Variants in BLTP3A observed in about 807,000 individuals in gnomAD.
BLTP3A encodes ICBP90 binding protein 1.
chr6:34,876,062 C>T, the BLTP3A span: 2 of 152,620 alleles, frequency 1.3e-5, no homozygotes, highest in African/African-American at 2.4e-5. Flanking sequence ...TGTTTACATG[C>T]ATGTGCTGGG....
At chr6:34,858,564 A>C in the BLTP3A span, 1 of 1,614,170 alleles carries the variant, frequency 6.2e-7, no homozygotes, top group Non-Finnish European at 8.5e-7. Context: ...GCTGGCAGCA[A>C]GCCCAGGCAC....
At chr6:34,792,921 A>G in the BLTP3A span, among the ~76,000 whole-genome samples, 1 of 152,202 alleles carries the variant, frequency 6.6e-6, no homozygotes, top group Non-Finnish European at 1.5e-5. Context: ...CACCCTTGGA[A>G]AAGCCCAGCA....
chr6:34,872,239 C>A, the BLTP3A span: 1 of 1,520,216 alleles, frequency 6.6e-7, no homozygotes, highest in Non-Finnish European at 8.8e-7. Context: ...ACTCTTCCTC[C>A]CTGTTCCCTT....
the BLTP3A span, among the ~76,000 whole-genome samples, chr6:34,849,057 G>A: frequency 2.7e-5 from 4 of 148,928 alleles, no homozygotes; most frequent in Admixed American, 6.8e-5. Flanking sequence ...GGAGTGAAGT[G>A]GCGTGATCTC....
the BLTP3A span, among the ~76,000 whole-genome samples, chr6:34,803,406 T>A: frequency 6.6e-6 from 1 of 152,146 alleles, no homozygotes; most frequent in African/African-American, 2.4e-5. Context: ...TGCCCCCAGT[T>A]GCTCTGATTT....
At chr6:34,823,232 T>C in the BLTP3A span, 1 of 1,585,434 alleles carries the variant, frequency 6.3e-7, no homozygotes, top group Non-Finnish European at 8.7e-7. Context: ...TGTAAATGCT[T>C]AGTTCTCCTT....
chr6:34,796,279 G>A, the BLTP3A span, among the ~76,000 whole-genome samples: 1 of 152,148 alleles, frequency 6.6e-6, no homozygotes, highest in Non-Finnish European at 1.5e-5. Context: ...GTATCTTGTT[G>A]GAATGCACCC....
chr6:34,804,439 A>G, the BLTP3A span, among the ~76,000 whole-genome samples: 21 of 152,204 alleles, frequency 1.4e-4, no homozygotes, highest in Non-Finnish European at 2.8e-4. Context: ...GTAAGCAGAA[A>G]GCCCAGTAAT....
At chr6:34,850,886 C>CG in the BLTP3A span, among the ~76,000 whole-genome samples, 1 of 151,988 alleles carries the variant, frequency 6.6e-6, no homozygotes, top group African/African-American at 2.4e-5. Context: ...TTTGTAAAGA[C>CG]GGGGTCTCAC....
chr6:34,816,160 T>G, the BLTP3A span, among the ~76,000 whole-genome samples: 1 of 152,342 alleles, frequency 6.6e-6, no homozygotes, highest in East Asian at 1.9e-4. Context: ...ATTAGATACT[T>G]AGCACTTACT....
the BLTP3A span, among the ~76,000 whole-genome samples, chr6:34,822,750 G>C: frequency 1.3e-5 from 2 of 151,812 alleles, no homozygotes; most frequent in African/African-American, 2.4e-5. Flanking sequence ...CCAGCTACTC[G>C]GGAGGCTGGG....
chr6:34,821,823 T>C, the BLTP3A span: 13,135 of 1,614,086 alleles, frequency 8.1e-3, 63 homozygotes, highest in Non-Finnish European at 0.01. Flanking sequence ...CGGGTGAGAA[T>C]GAGGGTCAGA....
chr6:34,847,797 T>A, the BLTP3A span, among the ~76,000 whole-genome samples: 11 of 151,268 alleles, frequency 7.3e-5, no homozygotes, highest in African/African-American at 2.7e-4. Context: ...TTCTGCTTGA[T>A]CTTTAGTATT....
At chr6:34,875,468 C>T in the BLTP3A span, 1 of 152,154 alleles carries the variant, frequency 6.6e-6, no homozygotes, top group Non-Finnish European at 1.5e-5. Context: ...CTCTGGCATC[C>T]CTCCATGCAA....
the BLTP3A span, chr6:34,855,592 A>G: frequency 2.5e-6 from 4 of 1,611,864 alleles, no homozygotes; most frequent in South Asian, 3.3e-5. Flanking sequence ...TTCCACTGCC[A>G]TTCACCTGTA....
the BLTP3A span, chr6:34,834,420 C>G: frequency 3.1e-6 from 5 of 1,611,904 alleles, no homozygotes; most frequent in Non-Finnish European, 4.2e-6. Flanking sequence ...ACAGCCCCAT[C>G]ATTGTGAAGG....
chr6:34,842,564 C>A, the BLTP3A span, among the ~76,000 whole-genome samples: 1 of 152,076 alleles, frequency 6.6e-6, no homozygotes, highest in Non-Finnish European at 1.5e-5. Context: ...CTTAACCCAG[C>A]CAGGCACGGT....
chr6:34,792,241 C>T, the BLTP3A span: 65 of 1,535,466 alleles, frequency 4.2e-5, 1 homozygote, highest in East Asian at 1.4e-3. Context: ...ACGCGGGCCG[C>T]GGCTCCGGCA....
the BLTP3A span, among the ~76,000 whole-genome samples, chr6:34,840,416 A>G: frequency 1.3e-5 from 2 of 148,492 alleles, no homozygotes; most frequent in African/African-American, 4.9e-5. Context: ...AAATACAAAA[A>G]TTAGCTGGGC....
Sources: gnomAD v4.1 joint callset for allele counts (sites outside exome capture counted in the v4.1 genomes callset) on GRCh38, gnomAD v4.1.1 for gene constraint, MANE v1.5 for transcripts, NCBI Gene and HGNC (gene_info 2026-07-23, HGNC 2026-07-21) for gene names.